Variants in TUBB8 observed in about 807,000 individuals in gnomAD.
TUBB8 encodes tubulin beta 8 class VIII.
A neutral mutation model predicts 33.7 loss-of-function variants in TUBB8; 25 were observed. The observed-to-expected ratio is 0.74, with a 90% CI of 0.54 to 1.04. The LOEUF (loss-of-function observed/expected upper bound fraction) is 1.04, where lower values mean the gene tolerates loss of function less well. TUBB8 is among the 50% of genes least tolerant of loss of function. The pLI is 0.00. For missense variants in TUBB8, 279 were observed against 608.0 expected (o/e 0.46, Z 5.69); for synonymous variants, 245 against 240.1 (o/e 1.02, Z -0.19).
Position 48,843 on chromosome 10 carries a change from G to A in TUBB8, c.127C>T (p.Gln43Ter). 1 of 1,601,048 alleles carries A rather than the reference G, an allele frequency of 6.2e-7. No individual in the cohort carries two copies. Among genetic ancestry groups the A allele is most frequent in the Non-Finnish European group, 8.5e-7 (1 of 1,174,874 alleles). ...AGTYHGDSHL[Q>*]LERINVYYNE... ...TAGTACACGTTGATGCGCTCCAGCT[G>A]CAGGTGGCTGTCCCCGTGGTAGGTG... is the stretch of plus-strand genomic sequence containing the variant. Residue 43 changes from glutamine (Q) to a stop codon, truncating the protein, a stop_gained, in exon 2 of 4, where the codon CAG becomes TAG. Coordinates refer to ENST00000568584, the MANE Select transcript of TUBB8 (RefSeq NM_177987.3). LOFTEE classifies it high-confidence loss of function.
chr10:68,769 C>T (rs1554741950), intron 1 of TUBB8, among the ~76,000 whole-genome samples: 1 of 152,226 alleles, frequency 6.6e-6, no homozygotes, highest in Non-Finnish European at 1.5e-5. Context: ...ACGTAACTCC[C>T]AAATCAGGAA....
chr10:72,415 C>T (rs1361981164), intron 1 of TUBB8, among the ~76,000 whole-genome samples: 9 of 147,048 alleles, frequency 6.1e-5, no homozygotes, highest in Non-Finnish European at 9.0e-5. Flanking sequence ...AAAATTAGCC[C>T]GGCGTGGTGA....
chr10:48,524 CCA>C, intron 3 of TUBB8, 89 bp downstream of exon 3: 1 of 1,280,554 alleles, frequency 7.8e-7, no homozygotes, highest in Non-Finnish European at 1.1e-6. Flanking sequence ...GGCCCTAGCT[CCA>C]CAGTTCCCAG....
intron 1 of TUBB8, among the ~76,000 whole-genome samples, chr10:70,643 C>T (rs1422305334): frequency 3.3e-5 from 5 of 151,874 alleles, no homozygotes; most frequent in African/African-American, 7.3e-5. Context: ...AGTTTGAGAA[C>T]GGCATGGCCA....
upstream of TUBB8, among the ~76,000 whole-genome samples, chr10:76,155 A>AC (rs1441633472): frequency 1.3e-5 from 2 of 150,836 alleles, no homozygotes; most frequent in Non-Finnish European, 3.0e-5. Flanking sequence ...AAAAAAAAAA[A>AC]AAAAACACGA....
rs782626465 is a variant in TUBB8, at chr10:48,811, C to T, written c.159G>A (p.Glu53=). The change falls in exon 2 of 4, where the codon GAG becomes GAA. Residue 53 remains glutamate (E), a synonymous_variant. Transcript: ENST00000568584. ...GAAGGACGGGGGTCTCACCGCTGGC[C>T]TCGTTGTAGTACACGTTGATGCGCT... ...QLERINVYYN[E]ASGGRYVPRA... The T allele has an allele frequency of 1.9e-6, 3 of 1,611,364 alleles. No homozygotes were observed. The highest frequency in any genetic ancestry group is 1.1e-5 in the South Asian group (1 of 90,970).
In TUBB8 at chr10:48,729, C is replaced by A. The variant is rs782716579; in HGVS notation, c.167-4G>T. Reference sequence around the variant, plus strand: ...GCGCGGGGCACGTACCTGCCACCTGCGTGGGGCGGGAGGGCATGAGCGAGG... The same window carrying A: ...GCGCGGGGCACGTACCTGCCACCTGAGTGGGGCGGGAGGGCATGAGCGAGG... On this transcript the variant is annotated splice_polypyrimidine_tract_variant and splice_region_variant and intron_variant, in intron 2 of 3. Transcript: ENST00000568584. The A allele has an allele frequency of 6.8e-6, 11 of 1,609,032 alleles. No individual in the cohort carries two copies. The highest frequency in any genetic ancestry group is 9.3e-6 in the Non-Finnish European group (11 of 1,177,530).
intron 1 of TUBB8, among the ~76,000 whole-genome samples, chr10:66,372 G>A (rs116218257): frequency 0.17 from 21,318 of 124,040 alleles, no homozygotes; most frequent in African/African-American, 0.3. Flanking sequence ...TTCCAGGCTG[G>A]GGGTGGTGGC....
At chr10:70,708 C>T (rs544197741) in intron 1 of TUBB8, among the ~76,000 whole-genome samples, 25 of 151,988 alleles carry the variant, frequency 1.6e-4, no homozygotes, top group Admixed American at 9.2e-4. Context: ...GGCATGGTGG[C>T]GCAGACCTGT....
intron 1 of TUBB8, among the ~76,000 whole-genome samples, chr10:72,824 C>G (rs1213436474): frequency 6.6e-6 from 1 of 151,332 alleles, no homozygotes; most frequent in Non-Finnish European, 1.5e-5. Flanking sequence ...TGCACTCCAG[C>G]CTGGGAGACA....
intron 1 of TUBB8, among the ~76,000 whole-genome samples, chr10:62,684 T>C (rs1431883360): frequency 2.0e-5 from 3 of 152,252 alleles, no homozygotes; most frequent in African/African-American, 4.8e-5. Flanking sequence ...CTGGTGTTAA[T>C]GAAATACCTC....
intron 1 of TUBB8, among the ~76,000 whole-genome samples, chr10:63,181 C>G (rs1834625432): frequency 6.6e-6 from 1 of 152,122 alleles, no homozygotes. Flanking sequence ...TCACGCCATT[C>G]TCCTGCCTCA....
intron 1 of TUBB8, among the ~76,000 whole-genome samples, chr10:62,967 T>G (rs1459065228): frequency 6.6e-6 from 1 of 152,242 alleles, no homozygotes; most frequent in Non-Finnish European, 1.5e-5. Context: ...TGAGGTGGTC[T>G]TCTTTGGGTT....
At chr10:64,692 AAC>A (rs1554741347) in intron 1 of TUBB8, among the ~76,000 whole-genome samples, 1 of 152,210 alleles carries the variant, frequency 6.6e-6, no homozygotes, top group African/African-American at 2.4e-5. Context: ...CATACACATC[AAC>A]ACACTCACAT....
intron 1 of TUBB8, among the ~76,000 whole-genome samples, chr10:71,654 C>CCTA (rs1834737842): frequency 6.6e-6 from 1 of 151,676 alleles, no homozygotes; most frequent in African/African-American, 2.4e-5. Flanking sequence ...AGGCTGGGTG[C>CCTA]AGTGGCTCAC....
At chr10:49,672 G>A (rs1834440823), upstream of TUBB8, 1 of 440,268 alleles carries the variant, frequency 2.3e-6, no homozygotes, top group African/African-American at 2.0e-5. Flanking sequence ...TAGGAGATCT[G>A]TGGTTAGGAA....
At chr10:73,845 C>T (rs1201481213) in intron 1 of TUBB8, 1 of 151,978 alleles carries the variant, frequency 6.6e-6, no homozygotes, top group South Asian at 2.1e-4. Context: ...TGGGGGTGAC[C>T]CGCCCAAGCC....
intron 1 of TUBB8, among the ~76,000 whole-genome samples, chr10:55,779 T>C (rs1267564802): frequency 3.9e-5 from 6 of 151,918 alleles, no homozygotes; most frequent in Non-Finnish European, 8.8e-5. Context: ...AACACTTTTG[T>C]TCAAAATAAG....
rs533064864 is a variant in TUBB8 at position 48,134 on chromosome 10, G to A, written c.278-20C>T. 1.8e-5 allele frequency: 27 copies of A among 1,497,398 alleles called. No homozygotes were observed. The highest frequency in any genetic ancestry group is 3.5e-5 in the Admixed American group (2 of 57,764). The allele number at this position is 1,497,398 out of a possible 1,614,324, so 92.8% of individuals were successfully genotyped here. A position where few individuals can be genotyped will look rare whatever the true frequency, so the allele number is the denominator to read the frequency against. On this transcript the variant is annotated intron_variant, in intron 3 of 3. Transcript: ENST00000568584. Reference sequence around the variant, plus strand: ...ACTGACCTGTAAGACAGCACAGCCGGTCACTCGACGGCCAGGTATACGGTC... The same window carrying A: ...ACTGACCTGTAAGACAGCACAGCCGATCACTCGACGGCCAGGTATACGGTC...
Sources: allele counts gnomAD v4.1 joint callset (sites outside exome capture counted in the v4.1 genomes callset), GRCh38; gene constraint gnomAD v4.1.1; transcripts MANE v1.5; gene names NCBI Gene and HGNC (gene_info 2026-07-23, HGNC 2026-07-21).